ATIC: variants seen among roughly 807,000 people sequenced by gnomAD.
ATIC encodes the protein bifunctional purine biosynthesis protein ATIC.
In ATIC, 64 loss-of-function variants were observed where a neutral mutation model predicts 72.5. The ratio of observed to expected loss-of-function variants is 0.88; its 90% confidence interval spans 0.72 to 1.09. ATIC has a LOEUF of 1.09. Among genes scored for constraint, ATIC ranks in the 50% least tolerant of loss-of-function variants. The pLI is 0.00. For missense variants in ATIC, 787 were observed against 732.4 expected (o/e 1.07, Z -0.86); for synonymous variants, 281 against 267.1 (o/e 1.05, Z -0.51).
intron 4 of ATIC, among the ~76,000 whole-genome samples, chr2:215,323,494 AT>A (rs987398314): frequency 5.3e-5 from 8 of 151,968 alleles, no homozygotes; most frequent in African/African-American, 1.7e-4. Flanking sequence ...TGTTTTCTTA[AT>A]TTTTTTCTCA....
rs763251263 is a variant in ATIC at position 215,349,544 on chromosome 2, G to A, written c.1668G>A (p.Val556=). Residue 556 remains valine (V), a synonymous_variant, in exon 16 of 16, where the codon GTG becomes GTA. Coordinates refer to ENST00000236959, the MANE Select transcript of ATIC (RefSeq NM_004044.7). ...DNVDRAKRSG[V]AYIAAPSGSA... ...CAATATACTTCCCCCAGAGTGGTGT[G>A]GCGTACATTGCGGCTCCCTCCGGTT... 3 of 1,614,042 alleles carry A rather than the reference G, an allele frequency of 1.9e-6. No individual in the cohort carries two copies. In the Admixed American group the frequency reaches 5.0e-5, roughly 27 times the overall value.
chr2:215,312,693 A>C (rs2052667342), intron 2 of ATIC, 69 bp downstream of exon 2: 1 of 1,610,348 alleles, frequency 6.2e-7, no homozygotes, highest in Admixed American at 1.7e-5. Flanking sequence ...TATTCCAGGC[A>C]CCAGCAGCAA....
Position 215,349,616 on chromosome 2 carries a change from C to G in ATIC, c.1740C>G (p.Ile580Met), listed in dbSNP as rs202208648. 13 of 1,614,072 alleles carry G rather than the reference C, an allele frequency of 8.1e-6. No individual in the cohort carries two copies. The East Asian group carries it at 2.9e-4, about 36-fold the overall frequency. ...VVIEACDELG[I>M]ILAHTNLRLF... The stretch of plus-strand genomic sequence containing the variant: ...TTGAGGCCTGCGACGAACTGGGAAT[C>G]ATCCTCGCTCATACGAACCTTCGGC... The change falls in exon 16 of 16, where the codon ATC becomes ATG. Residue 580 changes from isoleucine to methionine, a missense_variant. Ile to Met is a conservative substitution (Grantham distance 10). Transcript: ENST00000236959.
At chr2:215,324,561 GTTC>G (rs1243660434) in intron 4 of ATIC, among the ~76,000 whole-genome samples, 1 of 152,110 alleles carries the variant, frequency 6.6e-6, no homozygotes, top group African/African-American at 2.4e-5. Context: ...CTCCAATTCT[GTTC>G]TTCTGTTTTT....
At position 215,327,820 on chromosome 2, in the gene ATIC, G is replaced by A. The variant is rs187709067; in HGVS notation, c.688+842G>A. ...GAGAGCGATGGGGGAGGGGAGCAGC[G>A]TGCCAGGTGGGAGGAGAATCTGAAA... is the stretch of plus-strand genomic sequence containing the variant. On this transcript the variant is annotated intron_variant, in intron 7 of 15. Coordinates refer to ENST00000236959, the MANE Select transcript of ATIC (RefSeq NM_004044.7). Among the ~76,000 whole-genome samples the A allele has an allele frequency of 4.6e-5, 7 of 152,242 alleles. No homozygotes were observed. In the East Asian group the frequency reaches 5.8e-4, roughly 13 times the overall value.
chr2:215,356,089 A>G, the ATIC span, among the ~76,000 whole-genome samples: 1 of 152,212 alleles, frequency 6.6e-6, no homozygotes, highest in Non-Finnish European at 1.5e-5. Flanking sequence ...CGCACTTTCA[A>G]TTTGTAGAAT....
At chr2:215,320,718 T>G (rs1271176741) in intron 4 of ATIC, among the ~76,000 whole-genome samples, 7 of 152,194 alleles carry the variant, frequency 4.6e-5, no homozygotes, top group African/African-American at 1.7e-4. Context: ...TAGCTGAGAT[T>G]ACAGGCGTTT....
chr2:215,352,242 G>T (rs923188720), downstream of ATIC, among the ~76,000 whole-genome samples: 12 of 152,152 alleles, frequency 7.9e-5, no homozygotes, highest in African/African-American at 2.9e-4. Context: ...AATAAAAGGG[G>T]AAATTAGGTG....
At position 215,312,585 on chromosome 2, in the gene ATIC, G is replaced by T. The variant is rs1559264125; in HGVS notation, c.107G>T (p.Gly36Val). ...GGTTTGAATCTGGTCGCTTCCGGAG[G>T]GACTGCAAAAGCTCTCAGGGATGCT... ...ALGLNLVASGGTAKALRDAGL... is the reference protein window; with the variant it reads ...ALGLNLVASGVTAKALRDAGL... The change falls in exon 2 of 16, where the codon GGG becomes GTG. Residue 36 changes from glycine to valine, a missense_variant. Transcript: ENST00000236959. The T allele has an allele frequency of 1.9e-6, 3 of 1,614,202 alleles. No homozygotes were observed. Among genetic ancestry groups the T allele is most frequent in the East Asian group, 2.2e-5 (1 of 44,886 alleles).
chr2:215,365,030 T>G, the ATIC span: 1 of 1,234,548 alleles, frequency 8.1e-7, no homozygotes, highest in Non-Finnish European at 1.2e-6. Flanking sequence ...CTGAGAACAA[T>G]ACTGCAGACT....
intron 14 of ATIC, 146 bp from the exon 15 acceptor site, chr2:215,348,948 C>T: frequency 1.6e-6 from 1 of 632,216 alleles, no homozygotes; most frequent in Non-Finnish European, 2.3e-6. Flanking sequence ...TAGTGCAAAA[C>T]TCCGTCTAAA....
intron 7 of ATIC, among the ~76,000 whole-genome samples, chr2:215,330,647 T>G (rs1403894241): frequency 1.3e-5 from 2 of 151,910 alleles, no homozygotes; most frequent in Admixed American, 6.6e-5. Context: ...CTTGTGCTCC[T>G]CCGCCTCATC....
At position 215,336,404 on chromosome 2, in the gene ATIC, T is replaced by C. The variant is rs80102269; in HGVS notation, c.1098+280T>C. Reference sequence around the variant, plus strand: ...TGGGAGGATGGCTTGAGGCCAAGAATTGGAGGCTGTATTGTGGTACTATGA... The same window carrying C: ...TGGGAGGATGGCTTGAGGCCAAGAACTGGAGGCTGTATTGTGGTACTATGA... On this transcript the variant is annotated intron_variant, in intron 11 of 15. Coordinates refer to ENST00000236959, the MANE Select transcript of ATIC (RefSeq NM_004044.7). 2.4e-3 allele frequency among the ~76,000 whole-genome samples: 360 copies of C among 152,294 alleles called. 1 individual carries two copies. The highest frequency in any genetic ancestry group is 8.2e-3 in the African/African-American group (339 of 41,564).
At position 215,333,450 on chromosome 2, in the gene ATIC, A is replaced by AGC; in HGVS notation, c.916_917dup (p.Arg307GlnfsTer36). The AGC allele has an allele frequency of 6.2e-7, 1 of 1,613,892 alleles. No individual in the cohort carries two copies. Among genetic ancestry groups the AGC allele is most frequent in the Non-Finnish European group, 8.5e-7 (1 of 1,179,770 alleles). Reference sequence around the variant, plus strand: ...CACCCATCTCAGCGGCATATGCAAGAGCAAGAGGTCAGACTCATAGGGCTT... The same window carrying AGC: ...CACCCATCTCAGCGGCATATGCAAGAGCGCAAGAGGTCAGACTCATAGGGCTT... On this transcript the variant is annotated frameshift_variant, in exon 9 of 16. Transcript: ENST00000236959. LOFTEE classifies it high-confidence loss of function.
At chr2:215,315,803 G>A (rs1295012454) in intron 2 of ATIC, among the ~76,000 whole-genome samples, 2 of 152,012 alleles carry the variant, frequency 1.3e-5, no homozygotes, top group East Asian at 3.9e-4. Context: ...ATACAAAAAA[G>A]AATCAGCCGG....
chr2:215,367,173 A>G, the ATIC span, among the ~76,000 whole-genome samples: 9 of 152,348 alleles, frequency 5.9e-5, no homozygotes, highest in South Asian at 1.5e-3. Flanking sequence ...TCTCCTAAAC[A>G]CAAAGAATAA....
At chr2:215,321,490 A>G (rs567248266) in intron 4 of ATIC, among the ~76,000 whole-genome samples, 1 of 152,342 alleles carries the variant, frequency 6.6e-6, no homozygotes, top group African/African-American at 2.4e-5. Context: ...TCATTGGGGT[A>G]TATACCTAGG....
At chr2:215,326,670 G>T (rs2052830283) in intron 6 of ATIC, 152 bp from the exon 7 acceptor site, 1 of 937,750 alleles carries the variant, frequency 1.1e-6, no homozygotes, top group Non-Finnish European at 1.7e-6. Flanking sequence ...GCCATTCAGT[G>T]CTTTGCTGTC....
At chr2:215,320,910 A>C (rs551270963) in intron 4 of ATIC, among the ~76,000 whole-genome samples, 32 of 152,228 alleles carry the variant, frequency 2.1e-4, no homozygotes, top group African/African-American at 7.0e-4. Context: ...CCAGCTCTAC[A>C]TGAACTCAGA....
Sources: gnomAD v4.1 joint callset for allele counts (sites outside exome capture counted in the v4.1 genomes callset) on GRCh38, gnomAD v4.1.1 for gene constraint, MANE v1.5 for transcripts, NCBI Gene and HGNC (gene_info 2026-07-23, HGNC 2026-07-21) for gene names.